NLGN4X: variants seen among roughly 807,000 people sequenced by gnomAD.
NLGN4X encodes neuroligin-4, X-linked.
NLGN4X carries 3 observed loss-of-function variants against 40.3 expected under a neutral mutation model. That is an observed-to-expected ratio of 0.07 (90% CI 0.03 to 0.19). The LOEUF is 0.19. Ranked by LOEUF, NLGN4X falls within the 10% of genes least tolerant of loss-of-function variation. The pLI, the probability that NLGN4X is intolerant of heterozygous loss-of-function variation, is 1.00. For missense variants in NLGN4X, 382 were observed against 708.3 expected, an observed-to-expected ratio of 0.54 and a Z score of 5.23; for synonymous variants, 270 against 306.8, an observed-to-expected ratio of 0.88 and a Z score of 1.25.
chrX:5,979,029 CAT>C (rs772541096), intron 3 of NLGN4X, among the ~76,000 whole-genome samples: 14 of 110,326 alleles, frequency 1.3e-4, no homozygotes, highest in African/African-American at 3.9e-4. Context: ...TATACATGTA[CAT>C]ATATATATAT....
intron 2 of NLGN4X, among the ~76,000 whole-genome samples, chrX:6,114,926 AT>A (rs1459816572): frequency 8.9e-6 from 1 of 112,353 alleles, no homozygotes; most frequent in Non-Finnish European, 1.9e-5. Context: ...TCTACAAAAA[AT>A]ATATCCCTAA....
intron 3 of NLGN4X, among the ~76,000 whole-genome samples, chrX:5,941,180 G>T (rs3138862): frequency 0.074 from 4,347 of 58,480 alleles, 218 homozygotes; most frequent in African/African-American, 0.11. Context: ...TATGCTAGGG[G>T]GTGTGTGTGT....
chrX:5,991,047 T>TCCCTATC (rs2035668582), intron 3 of NLGN4X, among the ~76,000 whole-genome samples: 1 of 111,458 alleles, frequency 9.0e-6, no homozygotes, highest in African/African-American at 3.3e-5. Context: ...CAGAATGGTT[T>TCCCTATC]CCCTATCCCT....
At chrX:6,029,884 G>A (rs1185940143) in intron 2 of NLGN4X, among the ~76,000 whole-genome samples, 1 of 111,350 alleles carries the variant, frequency 9.0e-6, no homozygotes, top group Non-Finnish European at 1.9e-5. Flanking sequence ...TCGCAGGTGA[G>A]TGTACAGATT....
At chrX:5,999,628 T>C (rs1043736338) in intron 3 of NLGN4X, among the ~76,000 whole-genome samples, 2 of 112,524 alleles carry the variant, frequency 1.8e-5, no homozygotes, top group African/African-American at 3.2e-5. Flanking sequence ...AACTCAATAA[T>C]TGAAAGTAAA....
At chrX:5,999,696 CCAAAAGAA>C (rs2035924839) in intron 3 of NLGN4X, among the ~76,000 whole-genome samples, 1 of 111,853 alleles carries the variant, frequency 8.9e-6, no homozygotes, top group African/African-American at 3.3e-5. Flanking sequence ...TCTTCAAACC[CCAAAAGAA>C]CAAATGCACA....
chrX:6,090,731 A>T (rs941971817), intron 2 of NLGN4X, among the ~76,000 whole-genome samples: 1 of 111,621 alleles, frequency 9.0e-6, no homozygotes, highest in Non-Finnish European at 1.9e-5. Flanking sequence ...GTGGTTCACA[A>T]CCAGGGGTGG....
At chrX:6,198,493 C>G (rs1454557413) in intron 1 of NLGN4X, among the ~76,000 whole-genome samples, 1 of 111,923 alleles carries the variant, frequency 8.9e-6, no homozygotes, top group Non-Finnish European at 1.9e-5. Flanking sequence ...TGAACGTGGA[C>G]CATGAATGTG....
At chrX:5,923,420 C>T (rs1198756846) in intron 3 of NLGN4X, among the ~76,000 whole-genome samples, 2 of 112,561 alleles carry the variant, frequency 1.8e-5, no homozygotes, top group African/African-American at 3.2e-5. Context: ...GGATTACAGG[C>T]GTAAGCCACT....
chrX:5,897,005 G>C (rs912948545), intron 5 of NLGN4X, among the ~76,000 whole-genome samples: 1 of 111,240 alleles, frequency 9.0e-6, no homozygotes, highest in African/African-American at 3.3e-5. Context: ...TTAATCATAG[G>C]ATACCAGCAC....
intron 3 of NLGN4X, among the ~76,000 whole-genome samples, chrX:5,954,826 T>C (rs2034441017): frequency 9.0e-6 from 1 of 111,076 alleles, no homozygotes; most frequent in African/African-American, 3.3e-5. Context: ...AACTTTTAGT[T>C]TGACATTCAC....
At chrX:6,091,796 A>G (rs2038645945) in intron 2 of NLGN4X, among the ~76,000 whole-genome samples, 1 of 111,853 alleles carries the variant, frequency 8.9e-6, no homozygotes, top group South Asian at 3.8e-4. Context: ...AAGAGAAAAA[A>G]TTAGCTCATA....
In NLGN4X at chrX:6,186,441, C is replaced by T. The variant is rs183521130; in HGVS notation, c.-305-34670G>A. 1.3e-3 allele frequency among the ~76,000 whole-genome samples: 149 copies of T among 112,376 alleles called. 1 individual carries two copies. Among genetic ancestry groups the T allele is most frequent in the African/African-American group, 4.7e-3 (146 of 30,936 alleles). On this transcript the variant is annotated intron_variant, in intron 1 of 5. Transcript: ENST00000381095. Reference sequence around the variant, plus strand: ...TTATCCTCCAGAGATCAAACATTAGCTTATGTATAATAACTTACAAACAGT... The same window carrying T: ...TTATCCTCCAGAGATCAAACATTAGTTTATGTATAATAACTTACAAACAGT...
At chrX:6,190,424 A>AAT (rs1922444361) in intron 1 of NLGN4X, among the ~76,000 whole-genome samples, 1 of 112,266 alleles carries the variant, frequency 8.9e-6, no homozygotes, top group Non-Finnish European at 1.9e-5. Context: ...AAAATTTGTC[A>AAT]ATAACCAATA....
intron 1 of NLGN4X, among the ~76,000 whole-genome samples, chrX:6,188,588 T>G (rs952474239): frequency 1.8e-5 from 2 of 110,958 alleles, no homozygotes; most frequent in Non-Finnish European, 3.8e-5. Context: ...CTGCACCACA[T>G]TGATTTGCAT....
intron 3 of NLGN4X, among the ~76,000 whole-genome samples, chrX:5,946,968 A>G (rs2146929824): frequency 9.0e-6 from 1 of 111,552 alleles, no homozygotes. Context: ...GTTAAGCATA[A>G]TGGCCTCCAG....
chrX:5,997,228 A>G (rs1381371306), intron 3 of NLGN4X, among the ~76,000 whole-genome samples: 4 of 107,135 alleles, frequency 3.7e-5, no homozygotes, highest in African/African-American at 1.3e-4. Flanking sequence ...TATATAAATT[A>G]TATATAGATA....
chrX:6,036,608 G>GCACACACACA (rs202140186), intron 2 of NLGN4X, among the ~76,000 whole-genome samples: 7 of 75,663 alleles, frequency 9.3e-5, no homozygotes, highest in South Asian at 7.2e-4. Context: ...CTTGTGGCTG[G>GCACACACACA]CGCACACACA....
intron 3 of NLGN4X, among the ~76,000 whole-genome samples, chrX:5,985,741 T>C (rs1453193270): frequency 8.9e-6 from 1 of 111,888 alleles, no homozygotes; most frequent in African/African-American, 3.3e-5. Context: ...GAGACCCAAA[T>C]AGACGCTATG....
Sources: gnomAD v4.1 joint callset for allele counts (sites outside exome capture counted in the v4.1 genomes callset) on GRCh38, gnomAD v4.1.1 for gene constraint, MANE v1.5 for transcripts, NCBI Gene and HGNC (gene_info 2026-07-23, HGNC 2026-07-21) for gene names.